Variants in GALNT13 observed in about 807,000 individuals in gnomAD.
GALNT13 encodes polypeptide N-acetylgalactosaminyltransferase 13, also known as UDP-GalNAc:polypeptide N-acetylgalactosaminyltransferase 13.
Under a neutral mutation model 64.2 loss-of-function variants are expected in GALNT13, and 28 were observed. That is an observed-to-expected ratio of 0.44 (90% CI 0.32 to 0.60). The LOEUF is 0.60. GALNT13 is among the 20% of genes least tolerant of loss of function. GALNT13 has a pLI of 0.05. For missense variants in GALNT13, 577 were observed against 669.8 expected (o/e 0.86, Z 1.53); for synonymous variants, 214 against 224.6 (o/e 0.95, Z 0.42).
At chr2:153,110,393 C>T in the GALNT13 span, among the ~76,000 whole-genome samples, 1 of 152,070 alleles carries the variant, frequency 6.6e-6, no homozygotes, top group South Asian at 2.1e-4. Context: ...AGCTACCATC[C>T]AAATGTAAAT....
chr2:153,872,679 G>T (rs762799528), intron 1 of GALNT13, among the ~76,000 whole-genome samples: 1 of 150,246 alleles, frequency 6.7e-6, no homozygotes, highest in East Asian at 2.1e-4. Flanking sequence ...TCCTCCGCGG[G>T]GGTGGCTCGG....
the GALNT13 span, among the ~76,000 whole-genome samples, chr2:153,151,230 A>G: frequency 6.6e-6 from 1 of 152,032 alleles, no homozygotes; most frequent in African/African-American, 2.4e-5. Context: ...ACATGAAAAA[A>G]TGCTAATCAT....
At chr2:154,190,920 T>C (rs573925545) in intron 4 of GALNT13, among the ~76,000 whole-genome samples, 4 of 152,240 alleles carry the variant, frequency 2.6e-5, no homozygotes, top group Non-Finnish European at 5.9e-5. Context: ...ATTCTTTTAT[T>C]CATACTAAAT....
At chr2:153,170,970 TA>T in the GALNT13 span, among the ~76,000 whole-genome samples, 16,760 of 152,294 alleles carry the variant, frequency 0.11, 1,124 homozygotes, top group Non-Finnish European at 0.15. Context: ...GAGATGAAAT[TA>T]TTTTTTAAAA....
the GALNT13 span, among the ~76,000 whole-genome samples, chr2:153,087,330 C>G: frequency 6.6e-6 from 1 of 152,014 alleles, no homozygotes; most frequent in Non-Finnish European, 1.5e-5. Flanking sequence ...CGTATGAAAC[C>G]CACTTGATCA....
chr2:153,639,428 A>G, the GALNT13 span, among the ~76,000 whole-genome samples: 1 of 152,120 alleles, frequency 6.6e-6, no homozygotes, highest in Non-Finnish European at 1.5e-5. Flanking sequence ...AGAATATGGG[A>G]AGAGAGGAAT....
chr2:154,382,243 T>TA (rs2105333904), intron 9 of GALNT13, among the ~76,000 whole-genome samples: 1 of 152,110 alleles, frequency 6.6e-6, no homozygotes, highest in African/African-American at 2.4e-5. Flanking sequence ...TATAAAGCTC[T>TA]AAAAAAGAAG....
At chr2:153,945,746 A>T (rs556899676) in intron 3 of GALNT13, among the ~76,000 whole-genome samples, 2 of 152,268 alleles carry the variant, frequency 1.3e-5, no homozygotes, top group South Asian at 4.1e-4. Flanking sequence ...TACTTTAGAC[A>T]TGTTGAGTTT....
At chr2:154,314,400 G>C (rs1290437197) in intron 9 of GALNT13, among the ~76,000 whole-genome samples, 1 of 152,090 alleles carries the variant, frequency 6.6e-6, no homozygotes, top group Non-Finnish European at 1.5e-5. Flanking sequence ...CCCCAAATTA[G>C]ATACTCTGGT....
At chr2:153,630,276 A>T in the GALNT13 span, among the ~76,000 whole-genome samples, 2 of 152,068 alleles carry the variant, frequency 1.3e-5, no homozygotes, top group Non-Finnish European at 2.9e-5. Context: ...AGACTGGATT[A>T]AGAAAATGTG....
intron 3 of GALNT13, among the ~76,000 whole-genome samples, chr2:154,111,675 C>T (rs1204607303): frequency 6.6e-6 from 1 of 152,194 alleles, no homozygotes; most frequent in East Asian, 1.9e-4. Context: ...TCCACTTCCA[C>T]CCCTTGATTC....
the GALNT13 span, among the ~76,000 whole-genome samples, chr2:153,182,926 A>C: frequency 6.6e-6 from 1 of 152,180 alleles, no homozygotes; most frequent in Admixed American, 6.5e-5. Context: ...TGAACATATG[A>C]GTGCATGTAT....
In GALNT13 at chr2:154,395,818, T is replaced by G. The variant is rs140680637; in HGVS notation, c.1157-173T>G. Among the ~76,000 whole-genome samples the G allele has an allele frequency of 3.6e-3, 548 of 152,314 alleles. 1 individual carries two copies. The highest frequency in any genetic ancestry group is 6.8e-3 in the Middle Eastern group (2 of 292). On this transcript the variant is annotated intron_variant, in intron 9 of 12. Transcript: ENST00000392825. ...ACCAATGGGAGAAGTGTTATTTATATCTATTTAATGTACTAATTCGATGGT... is the reference window on the plus strand; with the variant it reads ...ACCAATGGGAGAAGTGTTATTTATAGCTATTTAATGTACTAATTCGATGGT...
chr2:153,846,847 G>A, the GALNT13 span, among the ~76,000 whole-genome samples: 1 of 152,110 alleles, frequency 6.6e-6, no homozygotes, highest in Non-Finnish European at 1.5e-5. Context: ...TAATTTGCAT[G>A]TCTATAAATT....
chr2:154,070,545 C>T (rs920125334), intron 3 of GALNT13, among the ~76,000 whole-genome samples: 4 of 151,982 alleles, frequency 2.6e-5, no homozygotes, highest in Non-Finnish European at 5.9e-5. Flanking sequence ...TGTTAAAATT[C>T]ACCAAAAAGA....
At chr2:153,829,086 T>C in the GALNT13 span, among the ~76,000 whole-genome samples, 1 of 152,180 alleles carries the variant, frequency 6.6e-6, no homozygotes. Flanking sequence ...ATGAACATTT[T>C]GGTCAAAGCC....
chr2:153,659,999 TCTAGATGCTGAAGATG>T, the GALNT13 span, among the ~76,000 whole-genome samples: 2 of 152,146 alleles, frequency 1.3e-5, no homozygotes, highest in Non-Finnish European at 2.9e-5. Flanking sequence ...CTTACACTAT[TCTAGATGCTGAAGATG>T]CAGCTGTAAG....
intron 4 of GALNT13, among the ~76,000 whole-genome samples, chr2:154,219,541 G>A (rs1426128971): frequency 6.6e-6 from 1 of 151,956 alleles, no homozygotes; most frequent in Non-Finnish European, 1.5e-5. Flanking sequence ...ATAGTATATT[G>A]TGCATCACTG....
the GALNT13 span, among the ~76,000 whole-genome samples, chr2:153,222,977 G>T: frequency 6.6e-6 from 1 of 152,224 alleles, no homozygotes; most frequent in African/African-American, 2.4e-5. Flanking sequence ...ACTCGGTGAG[G>T]GGGGTGTGAC....
Sources: allele counts gnomAD v4.1 joint callset (sites outside exome capture counted in the v4.1 genomes callset), GRCh38; gene constraint gnomAD v4.1.1; transcripts MANE v1.5; gene names NCBI Gene and HGNC (gene_info 2026-07-23, HGNC 2026-07-21).